Variants in ATP10B observed in about 807,000 individuals in gnomAD.
ATP10B encodes ATPase phospholipid transporting 10B (putative), also known as phospholipid-transporting ATPase VB.
A neutral mutation model predicts 141.2 loss-of-function variants in ATP10B; 122 were observed. The observed-to-expected ratio is 0.86, with a 90% CI of 0.75 to 1.00. ATP10B has a LOEUF of 1.00. Ranked by LOEUF, ATP10B falls within the 50% of genes least tolerant of loss-of-function variation. The pLI is 0.00. For synonymous variants in ATP10B, 685 were observed against 692.0 expected (o/e 0.99, Z 0.16); for missense variants, 1,876 against 1,825.3 (o/e 1.03, Z -0.51).
In ATP10B at chr5:160,850,534, G is replaced by C. The variant is rs996560264; in HGVS notation, c.-576+1407C>G. Among the ~76,000 whole-genome samples, 5 of 152,182 alleles carry C rather than the reference G, an allele frequency of 3.3e-5. No individual in the cohort carries two copies. In the South Asian group the frequency reaches 1.0e-3, roughly 32 times the overall value. ...TCAGACTTCATTTCTCTAGGTCCTA[G>C]TTTTATCATCTGTAAACTAGGCAGC... On this transcript the variant is annotated intron_variant, in intron 1 of 25. Transcript: ENST00000327245.
chr5:160,597,668 G>C (rs1220254067), intron 22 of ATP10B, among the ~76,000 whole-genome samples: 1 of 151,994 alleles, frequency 6.6e-6, no homozygotes, highest in Non-Finnish European at 1.5e-5. Flanking sequence ...CTAATATTCA[G>C]AATCTACAAT....
chr5:160,724,216 C>T (rs1581418138), intron 2 of ATP10B, among the ~76,000 whole-genome samples: 1 of 151,260 alleles, frequency 6.6e-6, no homozygotes, highest in Admixed American at 6.6e-5. Flanking sequence ...ACCATGAACC[C>T]CCATGACACA....
chr5:160,862,610 C>T, the ATP10B span, among the ~76,000 whole-genome samples: 1 of 152,052 alleles, frequency 6.6e-6, no homozygotes, highest in East Asian at 1.9e-4. Flanking sequence ...ATTGGCTTAA[C>T]ATAATAATTA....
chr5:160,564,449 G>T lies in ATP10B; in HGVS notation c.*1004C>A, dbSNP rs560156839. 7.5e-4 allele frequency: 114 copies of T among 152,222 alleles called. No homozygotes were observed. Among genetic ancestry groups the T allele is most frequent in the African/African-American group, 2.5e-3 (105 of 41,538 alleles). 9.4% of individuals were successfully genotyped at this position (152,222 alleles called of 1,614,324 possible). A position where few individuals can be genotyped will look rare whatever the true frequency, so the allele number is the denominator to read the frequency against. On this transcript the variant is annotated 3_prime_UTR_variant, in exon 26 of 26. Coordinates refer to ENST00000327245, the MANE Select transcript of ATP10B (RefSeq NM_025153.3). ...GCCAGTGTCTTCCAGAGGCTGGAAG[G>T]GGGTTTCAGCCTATCCCCATTCTGG...
At chr5:160,898,340 GAACA>G in the ATP10B span, among the ~76,000 whole-genome samples, 1 of 152,146 alleles carries the variant, frequency 6.6e-6, no homozygotes, top group African/African-American at 2.4e-5. Context: ...CAAAGGATAT[GAACA>G]GACACTTCTC....
chr5:160,674,412 G>C (rs534823161), intron 6 of ATP10B, among the ~76,000 whole-genome samples: 117 of 152,304 alleles, frequency 7.7e-4, no homozygotes, highest in African/African-American at 2.8e-3. Flanking sequence ...CTGGGCTGGA[G>C]TATTGTCCTG....
chr5:160,774,694 C>A (rs1017047156), intron 2 of ATP10B, among the ~76,000 whole-genome samples: 2 of 152,142 alleles, frequency 1.3e-5, no homozygotes, highest in African/African-American at 4.8e-5. Context: ...AGGTTGGGAA[C>A]AAAAATACAA....
intron 2 of ATP10B, among the ~76,000 whole-genome samples, chr5:160,744,743 C>G (rs1767689969): frequency 6.6e-6 from 1 of 152,200 alleles, no homozygotes; most frequent in African/African-American, 2.4e-5. Context: ...AGTACAATGA[C>G]AGGTCTTTGT....
chr5:160,821,496 C>A (rs540793977), intron 1 of ATP10B, among the ~76,000 whole-genome samples: 2 of 151,918 alleles, frequency 1.3e-5, no homozygotes, highest in Non-Finnish European at 2.9e-5. Context: ...ATATTCTTTA[C>A]AGAAATATAA....
At chr5:160,612,546 A>G (rs1192426686) in intron 18 of ATP10B, 195 bp downstream of exon 18, 2 of 453,630 alleles carry the variant, frequency 4.4e-6, no homozygotes, top group South Asian at 9.6e-5. Context: ...CCAGCTAGCC[A>G]TGTGTGGGGA....
At chr5:160,895,608 A>C in the ATP10B span, among the ~76,000 whole-genome samples, 2 of 152,180 alleles carry the variant, frequency 1.3e-5, no homozygotes, top group Non-Finnish European at 2.9e-5. Flanking sequence ...TGGGAGACTT[A>C]ACACCCCACT....
chr5:160,576,210 T>C (rs773060737), intron 24 of ATP10B, among the ~76,000 whole-genome samples: 1 of 152,130 alleles, frequency 6.6e-6, no homozygotes, highest in Non-Finnish European at 1.5e-5. Flanking sequence ...TGCTCTGGAT[T>C]GTGTATCAGT....
chr5:160,852,286 C>T (rs1251283970), upstream of ATP10B: 7 of 152,304 alleles, frequency 4.6e-5, no homozygotes, highest in Admixed American at 1.3e-4. Flanking sequence ...CTTGGCTGAA[C>T]ATTTACATTG....
the ATP10B span, among the ~76,000 whole-genome samples, chr5:160,884,254 G>C: frequency 0.069 from 10,551 of 152,134 alleles, 511 homozygotes; most frequent in Non-Finnish European, 0.11. Flanking sequence ...TGTACTTGTT[G>C]AAATAAACCC....
the ATP10B span, among the ~76,000 whole-genome samples, chr5:160,870,049 T>C: frequency 6.6e-6 from 1 of 152,232 alleles, no homozygotes; most frequent in East Asian, 1.9e-4. Context: ...TGTTGGAATA[T>C]GATCAGAGCC....
chr5:160,755,527 T>C (rs1768462728), intron 2 of ATP10B, among the ~76,000 whole-genome samples: 1 of 151,510 alleles, frequency 6.6e-6, no homozygotes, highest in South Asian at 2.1e-4. Flanking sequence ...GTAAAATATA[T>C]ATTATAGTCC....
intron 24 of ATP10B, among the ~76,000 whole-genome samples, chr5:160,586,672 TG>T (rs1755920029): frequency 6.6e-6 from 1 of 152,240 alleles, no homozygotes; most frequent in Non-Finnish European, 1.5e-5. Context: ...TCATTCTGAC[TG>T]GCGTGAGATG....
At chr5:160,877,471 G>T in the ATP10B span, among the ~76,000 whole-genome samples, 1 of 147,286 alleles carries the variant, frequency 6.8e-6, no homozygotes, top group Admixed American at 6.9e-5. Context: ...TTGAAAACTG[G>T]CACAAGACAG....
intron 1 of ATP10B, among the ~76,000 whole-genome samples, chr5:160,816,103 C>A: frequency 6.6e-6 from 1 of 151,102 alleles, no homozygotes; most frequent in East Asian, 1.9e-4. Context: ...ATTAAAAGAA[C>A]TAGAGAAGCA....
Sources: gnomAD v4.1 joint callset for allele counts (sites outside exome capture counted in the v4.1 genomes callset) on GRCh38, gnomAD v4.1.1 for gene constraint, MANE v1.5 for transcripts, NCBI Gene and HGNC (gene_info 2026-07-23, HGNC 2026-07-21) for gene names.